The following TANC2 variants were observed in gnomAD, a reference collection of about 807,000 sequenced individuals.
TANC2 encodes the protein protein TANC2.
A neutral mutation model predicts 210.5 loss-of-function variants in TANC2; 26 were observed. The ratio of observed to expected loss-of-function variants is 0.12; its 90% CI spans 0.09 to 0.17. The LOEUF is 0.17. Ranked by LOEUF, TANC2 falls within the 10% of genes least tolerant of loss-of-function variation. TANC2 has a pLI of 1.00. For synonymous variants in TANC2, 931 were observed against 967.1 expected (o/e 0.96, Z 0.69); for missense variants, 2,129 against 2,608.9 (o/e 0.82, Z 4.01).
At chr17:62,983,232 A>AT (rs1038300726) in intron 1 of TANC2, among the ~76,000 whole-genome samples, 16 of 151,576 alleles carry the variant, frequency 1.1e-4, no homozygotes, top group Admixed American at 3.3e-4. Flanking sequence ...TGCCTTCTGG[A>AT]TTTTTTTTAG....
intron 5 of TANC2, among the ~76,000 whole-genome samples, chr17:63,175,909 T>C (rs915428969): frequency 6.6e-6 from 1 of 152,214 alleles, no homozygotes. Flanking sequence ...GAACAGTTGT[T>C]CACAAAAGAA....
chr17:63,368,111 C>T (rs1460643768), intron 14 of TANC2, among the ~76,000 whole-genome samples: 1 of 152,136 alleles, frequency 6.6e-6, no homozygotes, highest in Non-Finnish European at 1.5e-5. Flanking sequence ...TACTGAAAAG[C>T]ACTTGGTCTT....
At chr17:63,367,313 C>T (rs772387711) in intron 14 of TANC2, among the ~76,000 whole-genome samples, 20 of 152,232 alleles carry the variant, frequency 1.3e-4, no homozygotes, top group African/African-American at 4.6e-4. Flanking sequence ...GTCCAACCCA[C>T]GGCCCATGGG....
intron 12 of TANC2, among the ~76,000 whole-genome samples, chr17:63,346,798 C>T (rs1296512471): frequency 5.9e-5 from 9 of 152,158 alleles, no homozygotes. Context: ...TCGACCCCCT[C>T]GGCTCAAGCA....
At chr17:63,168,758 T>G (rs149460735) in intron 5 of TANC2, among the ~76,000 whole-genome samples, 1 of 152,306 alleles carries the variant, frequency 6.6e-6, no homozygotes, top group African/African-American at 2.4e-5. Context: ...TTCCTTACTT[T>G]TTTTTAGAAG....
At position 63,415,684 on chromosome 17, in the gene TANC2, T is replaced by C. The variant is rs2048837791; in HGVS notation, c.4167+10T>C. On this transcript the variant is annotated intron_variant, in intron 26 of 27. Transcript: ENST00000689528. ...TCGCAGGAAAATGAACGTAAGTCCCTGTCACCCCAACTCCTTTCTGCAATC... is the reference window on the plus strand; with the variant it reads ...TCGCAGGAAAATGAACGTAAGTCCCCGTCACCCCAACTCCTTTCTGCAATC... 1.2e-6 allele frequency: 2 copies of C among 1,611,384 alleles called. No individual in the cohort carries two copies. Among genetic ancestry groups the C allele is most frequent in the Middle Eastern group, 1.7e-4 (1 of 5,992 alleles).
intron 5 of TANC2, among the ~76,000 whole-genome samples, chr17:63,167,423 G>A (rs778679525): frequency 7.2e-5 from 11 of 152,222 alleles, no homozygotes; most frequent in Non-Finnish European, 1.3e-4. Flanking sequence ...TCATTAATGG[G>A]TACACTACAG....
intron 7 of TANC2, among the ~76,000 whole-genome samples, chr17:63,210,862 T>C (rs2041864161): frequency 6.6e-6 from 1 of 152,202 alleles, no homozygotes; most frequent in African/African-American, 2.4e-5. Context: ...TTCTTTTTCT[T>C]TTTGAATCAG....
chr17:63,147,079 C>A (rs1323785485), intron 4 of TANC2, among the ~76,000 whole-genome samples: 1 of 152,078 alleles, frequency 6.6e-6, no homozygotes, highest in Non-Finnish European at 1.5e-5. Flanking sequence ...TGCCTGTAAT[C>A]CCAGCACTTT....
At chr17:63,309,579 G>T (rs1857421505) in intron 9 of TANC2, among the ~76,000 whole-genome samples, 1 of 152,064 alleles carries the variant, frequency 6.6e-6, no homozygotes, top group African/African-American at 2.4e-5. Flanking sequence ...ATAATTATCT[G>T]TCTTTGGTTT....
At chr17:63,306,857 G>A (rs1035752618) in intron 9 of TANC2, among the ~76,000 whole-genome samples, 6 of 152,162 alleles carry the variant, frequency 3.9e-5, no homozygotes, top group African/African-American at 1.4e-4. Flanking sequence ...GGGAGGCTAA[G>A]GCAGGAGGAT....
At chr17:63,260,779 T>A (rs1016346632) in intron 8 of TANC2, among the ~76,000 whole-genome samples, 2 of 152,036 alleles carry the variant, frequency 1.3e-5, no homozygotes, top group African/African-American at 4.8e-5. Flanking sequence ...AAAAAAAATT[T>A]CTTTTGCATC....
chr17:63,347,918 A>G (rs935212243), intron 12 of TANC2, among the ~76,000 whole-genome samples: 7 of 152,110 alleles, frequency 4.6e-5, no homozygotes, highest in Non-Finnish European at 7.4e-5. Context: ...GAAGCGCACC[A>G]TCATACTTGG....
At position 63,420,159 on chromosome 17, in the gene TANC2, G is replaced by A; in HGVS notation, c.4429G>A (p.Glu1477Lys). Residue 1477 changes from glutamate to lysine, a missense_variant, in exon 28 of 28, where the codon GAA becomes AAA. Around this residue, in one of 5 missense-constraint regions of TANC2, gnomAD observed 584 missense variants for 627.3 expected, o/e 0.93. Transcript: ENST00000689528. The surrounding 1 kb of genome is among the most constrained non-coding windows in gnomAD (Gnocchi z 4.2). ...ACCGCAGCCTCAGCAGCAGTTGCCG[G>A]AAGAAGCAGAACCTGAGCCACAGCA... 2 of 1,564,090 alleles carry A rather than the reference G, an allele frequency of 1.3e-6. No homozygotes were observed. The highest frequency in any genetic ancestry group is 1.7e-6 in the Non-Finnish European group (2 of 1,153,752).
intron 11 of TANC2, among the ~76,000 whole-genome samples, chr17:63,334,361 C>A (rs2146740889): frequency 6.6e-6 from 1 of 152,176 alleles, no homozygotes; most frequent in Admixed American, 6.5e-5. Flanking sequence ...TGAAGGAAAT[C>A]CTAGTGACTA....
intron 2 of TANC2, among the ~76,000 whole-genome samples, chr17:63,068,958 T>C (rs1193825820): frequency 6.6e-6 from 1 of 152,134 alleles, no homozygotes; most frequent in African/African-American, 2.4e-5. Context: ...TATTAAGATA[T>C]AGCGGTTAAT....
intron 18 of TANC2, chr17:63,396,993 G>C (rs952500361): frequency 6.6e-6 from 1 of 151,552 alleles, no homozygotes; most frequent in South Asian, 2.1e-4. Context: ...AAAAAAAAGA[G>C]GCTGGGCGTG....
intron 5 of TANC2, among the ~76,000 whole-genome samples, chr17:63,174,016 A>G (rs2145592864): frequency 6.6e-6 from 1 of 152,224 alleles, no homozygotes; most frequent in South Asian, 2.1e-4. Context: ...TCACCTTAGC[A>G]TCCTCCCCTA....
chr17:63,219,756 A>G (rs879793069), intron 7 of TANC2, among the ~76,000 whole-genome samples: 12 of 152,168 alleles, frequency 7.9e-5, no homozygotes, highest in African/African-American at 1.7e-4. Flanking sequence ...CTGTATACCT[A>G]TGTAACAAAC....
Sources: gnomAD v4.1 joint callset for allele counts (sites outside exome capture counted in the v4.1 genomes callset) on GRCh38, gnomAD v4.1.1 for gene constraint, gnomAD v4.1.1 regional missense constraint, Gnocchi (gnomAD v3.1) non-coding constraint, MANE v1.5 for transcripts, NCBI Gene and HGNC (gene_info 2026-07-23, HGNC 2026-07-21) for gene names.